Variants in TMEM135 observed in about 807,000 individuals in gnomAD.
TMEM135 encodes peroxisomal membrane protein 52.
Under a neutral mutation model 60.3 loss-of-function variants are expected in TMEM135, and 30 were observed. The observed-to-expected ratio is 0.50, with a 90% CI of 0.37 to 0.68. The LOEUF (loss-of-function observed/expected upper bound fraction) is 0.68. Among genes scored for constraint, TMEM135 ranks in the 30% least tolerant of loss-of-function variants. The probability of loss-of-function intolerance (pLI) is 0.00; values close to 1 mark genes in which losing one functional copy is unlikely to be tolerated. For missense variants in TMEM135, 468 were observed against 548.8 expected (o/e 0.85, Z 1.47); for synonymous variants, 190 against 186.7 (o/e 1.02, Z -0.14).
At position 87,067,807 on chromosome 11, in the gene TMEM135, C is replaced by A. The variant is rs957818085; in HGVS notation, c.255C>A (p.Phe85Leu). The change falls in exon 2 of 15, where the codon TTC (phenylalanine) becomes TTA (leucine). Residue 85 changes from phenylalanine (F) to leucine (L), a missense_variant. Physicochemically the swap from Phe to Leu is conservative, Grantham distance 22 (BLOSUM62 0). Coordinates refer to ENST00000305494, the MANE Select transcript of TMEM135 (RefSeq NM_022918.4). Reference protein sequence around the residue: ...LTANGALYMAFFCILRKILGK... With the variant: ...LTANGALYMALFCILRKILGK... ...CTAATGGGGCCTTGTATATGGCTTT[C>A]TTTTGCATTTTAAGGTTGGTACTCA... 8 of 1,613,616 alleles carry A rather than the reference C, an allele frequency of 5.0e-6. No individual in the cohort carries two copies. The African/African-American group carries it at 1.1e-4, about 22-fold the overall frequency.
At chr11:87,295,728 G>A in intron 6 of TMEM135, 54 bp from the exon 7 acceptor site, 1 of 1,438,918 alleles carries the variant, frequency 6.9e-7, no homozygotes, top group Non-Finnish European at 9.7e-7. Context: ...AATTGAATAG[G>A]TACTTGTATC....
intron 5 of TMEM135, among the ~76,000 whole-genome samples, chr11:87,227,040 C>T (rs1208362604): frequency 6.6e-6 from 1 of 151,988 alleles, no homozygotes; most frequent in Non-Finnish European, 1.5e-5. Context: ...TAGAGTGAGA[C>T]TCCATTTCAA....
At chr11:87,222,912 A>G (rs549667355) in intron 5 of TMEM135, among the ~76,000 whole-genome samples, 2 of 152,294 alleles carry the variant, frequency 1.3e-5, no homozygotes, top group South Asian at 2.1e-4. Flanking sequence ...GCAAAACTCT[A>G]TTCAACATCG....
At chr11:87,065,107 G>A (rs1009675812) in intron 1 of TMEM135, among the ~76,000 whole-genome samples, 3 of 152,094 alleles carry the variant, frequency 2.0e-5, no homozygotes, top group Admixed American at 6.6e-5. Flanking sequence ...GGGCATCGGG[G>A]TTGTTTCTGG....
At chr11:87,111,141 G>A (rs982953213) in intron 4 of TMEM135, among the ~76,000 whole-genome samples, 6 of 152,186 alleles carry the variant, frequency 3.9e-5, no homozygotes, top group African/African-American at 7.2e-5. Context: ...AAAGAAGGAC[G>A]AAGAAATGCT....
chr11:87,257,412 G>T (rs1941548345), intron 6 of TMEM135, among the ~76,000 whole-genome samples: 1 of 151,964 alleles, frequency 6.6e-6, no homozygotes, highest in African/African-American at 2.4e-5. Flanking sequence ...TAGTTGAGAG[G>T]GAACTCTGGG....
intron 5 of TMEM135, among the ~76,000 whole-genome samples, chr11:87,159,445 T>G (rs976896815): frequency 2.0e-5 from 3 of 152,178 alleles, no homozygotes; most frequent in Admixed American, 1.3e-4. Flanking sequence ...AATAATATTT[T>G]GTGGTTTAAA....
chr11:87,253,553 A>G (rs751683028), intron 6 of TMEM135, among the ~76,000 whole-genome samples: 17 of 151,076 alleles, frequency 1.1e-4, no homozygotes, highest in Non-Finnish European at 2.2e-4. Flanking sequence ...TTCTAGTTCT[A>G]CAGTAGTTCC....
chr11:87,121,537 G>A (rs1445686628), intron 4 of TMEM135: 3 of 151,778 alleles, frequency 2.0e-5, no homozygotes, highest in Non-Finnish European at 2.9e-5. Flanking sequence ...TATATACAGA[G>A]CACAGGAGTT....
At chr11:87,129,370 A>T (rs1036851755) in intron 4 of TMEM135, among the ~76,000 whole-genome samples, 2 of 149,060 alleles carry the variant, frequency 1.3e-5, no homozygotes, top group African/African-American at 5.0e-5. Flanking sequence ...AGCCTCCCTA[A>T]TAGCTGGGAC....
intron 1 of TMEM135, among the ~76,000 whole-genome samples, chr11:87,047,294 A>C (rs1364343631): frequency 6.6e-6 from 1 of 152,152 alleles, no homozygotes; most frequent in Non-Finnish European, 1.5e-5. Context: ...GTTAAAAAAA[A>C]AGTGTATTTT....
intron 4 of TMEM135, 124 bp from the exon 5 acceptor site, chr11:87,157,217 G>A (rs957395010): frequency 8.0e-6 from 7 of 872,192 alleles, no homozygotes; most frequent in South Asian, 4.4e-5. Context: ...CTTATTGATC[G>A]TTCTCTAGAA....
intron 1 of TMEM135, among the ~76,000 whole-genome samples, chr11:87,053,741 T>C (rs536730381): frequency 2.0e-5 from 3 of 152,324 alleles, no homozygotes; most frequent in African/African-American, 4.8e-5. Flanking sequence ...AGATTTATTA[T>C]TCTTCCATTA....
chr11:87,237,608 G>C (rs1157804632), intron 6 of TMEM135, among the ~76,000 whole-genome samples: 1 of 151,888 alleles, frequency 6.6e-6, no homozygotes, highest in Non-Finnish European at 1.5e-5. Flanking sequence ...CATAGTAGTT[G>C]TACATGAGAT....
rs927434085 is a variant in TMEM135, at chr11:87,328,482, A to G, written c.*7149A>G. The G allele has an allele frequency of 2.9e-5, 13 of 453,946 alleles. No individual in the cohort carries two copies. The highest frequency in any genetic ancestry group is 4.9e-5 in the Non-Finnish European group (11 of 226,786). The allele number at this position is 453,946 out of a possible 1,614,324, so 28.1% of individuals were successfully genotyped here. On this transcript the variant is annotated 3_prime_UTR_variant, in exon 15 of 15. Coordinates refer to ENST00000305494, the MANE Select transcript of TMEM135 (RefSeq NM_022918.4). Reference sequence around the variant, plus strand: ...ACCAGAATAGTGTGCATTGTACCCAATATATAGCTTTTTATTCCTTCCCCT... The same window carrying G: ...ACCAGAATAGTGTGCATTGTACCCAGTATATAGCTTTTTATTCCTTCCCCT...
chr11:87,111,419 G>C (rs1311243427), intron 4 of TMEM135, among the ~76,000 whole-genome samples: 1 of 151,844 alleles, frequency 6.6e-6, no homozygotes, highest in East Asian at 1.9e-4. Context: ...AGGCTGAGGC[G>C]GGTGGATCAC....
At position 87,150,131 on chromosome 11, in the gene TMEM135, C is replaced by T. The variant is rs532524510; in HGVS notation, c.397-7210C>T. On this transcript the variant is annotated intron_variant, in intron 4 of 14. Transcript: ENST00000305494. ...ACTTGGGAGGGTGAGACAGGAGAATCGCTTGTACCTGGGAGGTGGAGGTTG... is the reference window on the plus strand; with the variant it reads ...ACTTGGGAGGGTGAGACAGGAGAATTGCTTGTACCTGGGAGGTGGAGGTTG... Among the ~76,000 whole-genome samples the T allele has an allele frequency of 2.0e-5, 3 of 149,036 alleles. No homozygotes were observed. The Admixed American group carries it at 2.0e-4, about 10-fold the overall frequency.
intron 6 of TMEM135, among the ~76,000 whole-genome samples, chr11:87,256,231 C>T (rs1941525677): frequency 6.6e-6 from 1 of 151,998 alleles, no homozygotes; most frequent in Non-Finnish European, 1.5e-5. Context: ...TAAGTGATTC[C>T]AACTATATAA....
intron 4 of TMEM135, among the ~76,000 whole-genome samples, chr11:87,124,535 G>C (rs1023809444): frequency 1.7e-4 from 26 of 151,876 alleles, no homozygotes; most frequent in African/African-American, 6.0e-4. Flanking sequence ...GCATAACTCA[G>C]TTTTTTTTCA....
Sources: gnomAD v4.1 joint callset for allele counts (sites outside exome capture counted in the v4.1 genomes callset) on GRCh38, gnomAD v4.1.1 for gene constraint, MANE v1.5 for transcripts, NCBI Gene and HGNC (gene_info 2026-07-23, HGNC 2026-07-21) for gene names.